Variants in SPMAP2 observed in about 807,000 individuals in gnomAD.
The protein encoded by SPMAP2 is sperm microtubule associated protein 2.
the SPMAP2 span, chr19:373,912 C>A: frequency 6.2e-7 from 1 of 1,604,374 alleles, no homozygotes; most frequent in African/African-American, 1.3e-5. Context: ...CCAGCATAGG[C>A]ACACGGCGGA....
chr19:369,604 G>T, the SPMAP2 span, among the ~76,000 whole-genome samples: 3,014 of 152,082 alleles, frequency 0.02, 60 homozygotes, highest in African/African-American at 0.038. Context: ...ATGGGTTTCA[G>T]GCACATCCGT....
the SPMAP2 span, chr19:361,869 C>T: frequency 4.4e-5 from 6 of 135,578 alleles, no homozygotes; most frequent in South Asian, 5.8e-4. Flanking sequence ...GCTGTCGTTC[C>T]GACTCCGACG....
At chr19:374,531 G>C in the SPMAP2 span, 3 of 1,417,492 alleles carry the variant, frequency 2.1e-6, no homozygotes, top group South Asian at 1.4e-5. Context: ...CACTCACCCT[G>C]CCCACCCGCC....
the SPMAP2 span, among the ~76,000 whole-genome samples, chr19:369,962 G>C: frequency 6.6e-6 from 1 of 152,206 alleles, no homozygotes; most frequent in African/African-American, 2.4e-5. Context: ...CACAGGGGAT[G>C]CGACGGCTTG....
the SPMAP2 span, among the ~76,000 whole-genome samples, chr19:373,298 C>T: frequency 1.3e-5 from 2 of 152,202 alleles, no homozygotes; most frequent in Non-Finnish European, 2.9e-5. Flanking sequence ...TGCCCCTCAC[C>T]CCCAGGACCA....
At chr19:372,593 C>G in the SPMAP2 span, 5 of 1,599,662 alleles carry the variant, frequency 3.1e-6, no homozygotes, top group Non-Finnish European at 4.3e-6. Flanking sequence ...CTGCCAAACT[C>G]TGCCTTCTGA....
chr19:362,794 TC>T, the SPMAP2 span, among the ~76,000 whole-genome samples: 1 of 75,226 alleles, frequency 1.3e-5, no homozygotes, highest in Admixed American at 1.4e-4. Flanking sequence ...AAAAAAAAGC[TC>T]CCCCATTCAA....
At chr19:374,194 G>C in the SPMAP2 span, 3 of 1,549,382 alleles carry the variant, frequency 1.9e-6, no homozygotes, top group Admixed American at 3.5e-5. Context: ...TGTGGTGGCA[G>C]CTGGGGGAGG....
chr19:371,648 G>A, the SPMAP2 span, among the ~76,000 whole-genome samples: 1 of 152,052 alleles, frequency 6.6e-6, no homozygotes, highest in Non-Finnish European at 1.5e-5. Flanking sequence ...CTTCTGGGAC[G>A]GCAGCTCCTC....
the SPMAP2 span, among the ~76,000 whole-genome samples, chr19:365,389 A>G: frequency 6.6e-6 from 1 of 152,188 alleles, no homozygotes; most frequent in Non-Finnish European, 1.5e-5. Flanking sequence ...CTCTGTGAGA[A>G]TTTAGTAGGC....
chr19:372,848 A>T, the SPMAP2 span: 1 of 727,800 alleles, frequency 1.4e-6, no homozygotes, highest in African/African-American at 1.7e-5. Flanking sequence ...TGGGGGCCAG[A>T]CACCCTGCAG....
chr19:373,632 T>G, the SPMAP2 span: 3 of 1,090,084 alleles, frequency 2.8e-6, no homozygotes, highest in East Asian at 2.7e-5. Context: ...AGGTGGGGTG[T>G]GGAGTTGCTG....
chr19:362,628 C>T, the SPMAP2 span, among the ~76,000 whole-genome samples: 1 of 151,816 alleles, frequency 6.6e-6, no homozygotes. Flanking sequence ...ATTAGCTGAG[C>T]GTGGTGGTGC....
chr19:371,154 G>C, the SPMAP2 span: 1 of 1,130,428 alleles, frequency 8.8e-7, no homozygotes, highest in Non-Finnish European at 1.2e-6. Flanking sequence ...CTCTCTGCCG[G>C]GTCCCAGCCC....
chr19:371,307 CCAGA>C, the SPMAP2 span: 1 of 1,482,700 alleles, frequency 6.7e-7, no homozygotes, highest in Non-Finnish European at 9.0e-7. Flanking sequence ...GAGGAATGGG[CCAGA>C]CAGGAGTCGT....
At chr19:374,028 T>C in the SPMAP2 span, 14 of 1,611,618 alleles carry the variant, frequency 8.7e-6, no homozygotes, top group Non-Finnish European at 1.2e-5. Flanking sequence ...GGAGACAGGG[T>C]CCGAGCCCCA....
chr19:371,330 A>C, the SPMAP2 span: 7 of 1,433,834 alleles, frequency 4.9e-6, no homozygotes, highest in African/African-American at 1.5e-5. Flanking sequence ...GTCCTGGGGG[A>C]GGTCCCCATT....
the SPMAP2 span, among the ~76,000 whole-genome samples, chr19:366,069 G>A: frequency 1.3e-5 from 2 of 152,154 alleles, no homozygotes; most frequent in Admixed American, 6.5e-5. Flanking sequence ...GAACCCAGGA[G>A]GCGGAGCTTG....
the SPMAP2 span, among the ~76,000 whole-genome samples, chr19:366,883 T>C: frequency 6.6e-6 from 1 of 152,208 alleles, no homozygotes; most frequent in Non-Finnish European, 1.5e-5. Flanking sequence ...TCTACACCTT[T>C]TTTTCCTGCT....
Sources: gnomAD v4.1 joint callset for allele counts (sites outside exome capture counted in the v4.1 genomes callset) on GRCh38, gnomAD v4.1.1 for gene constraint, MANE v1.5 for transcripts, NCBI Gene and HGNC (gene_info 2026-07-23, HGNC 2026-07-21) for gene names.